PDCD1LG2: variants seen among roughly 807,000 people sequenced by gnomAD.
PDCD1LG2 encodes the protein B7 dendritic cell molecule.
PDCD1LG2 carries 32 observed loss-of-function variants against 28.2 expected under a neutral mutation model. The ratio of observed to expected loss-of-function variants is 1.13; its 90% CI spans 0.86 to 1.52. PDCD1LG2 has a LOEUF of 1.52. Among genes scored for constraint, PDCD1LG2 ranks in the 40% most tolerant of loss-of-function variants. The pLI, the probability that PDCD1LG2 is intolerant of heterozygous loss-of-function variation, is 0.00. For synonymous variants in PDCD1LG2, 116 were observed against 120.2 expected (o/e 0.97, Z 0.23); for missense variants, 385 against 323.8 (o/e 1.19, Z -1.45).
chr9:5,532,237 T>G (rs1820497172), intron 2 of PDCD1LG2, among the ~76,000 whole-genome samples: 1 of 152,206 alleles, frequency 6.6e-6, no homozygotes, highest in African/African-American at 2.4e-5. Context: ...CCTGTGCCCC[T>G]CCTGCACAAA....
chr9:5,517,340 C>T (rs185034051), intron 1 of PDCD1LG2, among the ~76,000 whole-genome samples: 251 of 152,330 alleles, frequency 1.6e-3, no homozygotes, highest in Non-Finnish European at 3.1e-3. Context: ...TGGAAGCAGG[C>T]TTAAGGCCAT....
intron 2 of PDCD1LG2, among the ~76,000 whole-genome samples, chr9:5,524,396 T>A (rs1043287037): frequency 3.3e-5 from 5 of 152,238 alleles, no homozygotes; most frequent in African/African-American, 1.2e-4. Context: ...TCAAAAAATA[T>A]GTGTAATGAA....
intron 2 of PDCD1LG2, among the ~76,000 whole-genome samples, chr9:5,523,786 G>A (rs1820321318): frequency 6.6e-6 from 1 of 152,226 alleles, no homozygotes; most frequent in African/African-American, 2.4e-5. Context: ...TCCTGTGGCA[G>A]GACTGGGGGC....
chr9:5,538,923 C>T (rs771053081), intron 3 of PDCD1LG2, among the ~76,000 whole-genome samples: 12 of 151,688 alleles, frequency 7.9e-5, no homozygotes, highest in Non-Finnish European at 1.0e-4. Context: ...GTGATCAGAT[C>T]GGGGTAATTA....
Position 5,570,041 on chromosome 9 carries a change from C to T in PDCD1LG2, c.*82C>T, listed in dbSNP as rs1012140013. The T allele has an allele frequency of 5.8e-6, 9 of 1,564,014 alleles. No individual in the cohort carries two copies. The African/African-American group carries it at 8.2e-5, about 14-fold the overall frequency. ...CTCTGAACAAGAATTCGGTGGCCTG[C>T]AGAGCTTGCCATTTGCACTTTTCAA... On this transcript the variant is annotated 3_prime_UTR_variant, in exon 7 of 7. Coordinates refer to ENST00000397747, the MANE Select transcript of PDCD1LG2 (RefSeq NM_025239.4).
intron 5 of PDCD1LG2, among the ~76,000 whole-genome samples, chr9:5,562,178 A>G (rs2129942213): frequency 6.6e-6 from 1 of 152,342 alleles, no homozygotes; most frequent in South Asian, 2.1e-4. Context: ...AATATGTGAA[A>G]TCAGAGGTTA....
Position 5,537,185 on chromosome 9 carries a change from G to A in PDCD1LG2, c.361+2135G>A, listed in dbSNP as rs1563826658. On this transcript the variant is annotated intron_variant, in intron 3 of 6. Transcript: ENST00000397747. ...GGTCAAAGAATGAAATGGCATTGCT[G>A]TAACGAAACTGCTTCCATTCCCATT... Among the ~76,000 whole-genome samples the A allele has an allele frequency of 2.6e-5, 4 of 152,318 alleles. No homozygotes were observed. The East Asian group carries it at 7.7e-4, about 29-fold the overall frequency.
chr9:5,515,323 T>G (rs1820136569), intron 1 of PDCD1LG2, among the ~76,000 whole-genome samples: 1 of 152,174 alleles, frequency 6.6e-6, no homozygotes, highest in Non-Finnish European at 1.5e-5. Flanking sequence ...TTGAACATGT[T>G]CGTTTTTGTC....
intron 1 of PDCD1LG2, among the ~76,000 whole-genome samples, chr9:5,518,990 T>C (rs939412249): frequency 5.9e-5 from 9 of 152,074 alleles, no homozygotes; most frequent in African/African-American, 1.9e-4. Flanking sequence ...ATGACTGTCG[T>C]TGAAAAAAGT....
intron 1 of PDCD1LG2, among the ~76,000 whole-genome samples, chr9:5,514,077 G>T (rs1481811528): frequency 6.6e-6 from 1 of 152,162 alleles, no homozygotes; most frequent in Non-Finnish European, 1.5e-5. Flanking sequence ...ATTTAACAAA[G>T]AATGAAGTAT....
At chr9:5,558,811 T>C (rs1586819143) in intron 5 of PDCD1LG2, among the ~76,000 whole-genome samples, 1 of 151,768 alleles carries the variant, frequency 6.6e-6, no homozygotes, top group Non-Finnish European at 1.5e-5. Flanking sequence ...GGGAAGAAGA[T>C]GGCCAGGGGA....
intron 3 of PDCD1LG2, among the ~76,000 whole-genome samples, chr9:5,548,866 A>G (rs1298292778): frequency 6.6e-6 from 1 of 152,252 alleles, no homozygotes; most frequent in African/African-American, 2.4e-5. Context: ...TTTGGAAAAA[A>G]TACCAAATAA....
intron 5 of PDCD1LG2, among the ~76,000 whole-genome samples, chr9:5,559,140 T>C (rs1191282323): frequency 6.6e-6 from 1 of 152,208 alleles, no homozygotes; most frequent in African/African-American, 2.4e-5. Flanking sequence ...CACTCAAAGA[T>C]AGAGTGGAAA....
intron 1 of PDCD1LG2, among the ~76,000 whole-genome samples, chr9:5,512,327 G>A (rs1820077414): frequency 6.6e-6 from 1 of 152,306 alleles, no homozygotes; most frequent in South Asian, 2.1e-4. Flanking sequence ...AAGAGCATCT[G>A]AAAGGTTATC....
intron 3 of PDCD1LG2, among the ~76,000 whole-genome samples, chr9:5,536,317 A>T (rs1385013543): frequency 6.6e-6 from 1 of 152,190 alleles, no homozygotes; most frequent in Non-Finnish European, 1.5e-5. Context: ...GGCATATAAT[A>T]AGTGTCCAGA....
intron 1 of PDCD1LG2, among the ~76,000 whole-genome samples, chr9:5,519,870 C>A (rs900152999): frequency 1.3e-5 from 2 of 152,320 alleles, no homozygotes; most frequent in African/African-American, 2.4e-5. Context: ...AGATTTCCCT[C>A]TTTTTCTCAA....
chr9:5,532,495 C>CCT (rs752788064), intron 2 of PDCD1LG2, among the ~76,000 whole-genome samples: 215 of 152,188 alleles, frequency 1.4e-3, no homozygotes, highest in Non-Finnish European at 2.2e-3. Context: ...TTTCTTTCTC[C>CCT]CTCTCTCTCT....
intron 5 of PDCD1LG2, among the ~76,000 whole-genome samples, chr9:5,559,733 C>G (rs1816521425): frequency 6.6e-6 from 1 of 152,184 alleles, no homozygotes; most frequent in South Asian, 2.1e-4. Context: ...CTATAATAGG[C>G]TTTTAAAAAT....
Position 5,534,988 on chromosome 9 carries a change from A to C in PDCD1LG2, c.299A>C (p.Tyr100Ser). The C allele has an allele frequency of 6.2e-7, 1 of 1,614,166 alleles. No individual in the cohort carries two copies. Among genetic ancestry groups the C allele is most frequent in the Non-Finnish European group, 8.5e-7 (1 of 1,180,020 alleles). ...PQVQVRDEGQ[Y>S]QCIIIYGVAW... ...GTCCAAGTGAGGGACGAAGGACAGT[A>C]CCAATGCATAATCATCTATGGGGTC... Residue 100 changes from tyrosine (Y) to serine (S), a missense_variant, in exon 3 of 7, where the codon TAC (tyrosine) becomes TCC (serine). By Grantham distance (144) the Tyr-to-Ser change is moderately radical (BLOSUM62 -2). Coordinates refer to ENST00000397747, the MANE Select transcript of PDCD1LG2 (RefSeq NM_025239.4).
Sources: gnomAD v4.1 joint callset for allele counts (sites outside exome capture counted in the v4.1 genomes callset) on GRCh38, gnomAD v4.1.1 for gene constraint, MANE v1.5 for transcripts, NCBI Gene and HGNC (gene_info 2026-07-23, HGNC 2026-07-21) for gene names.